The following IQGAP2 variants were observed in gnomAD, a reference collection of about 807,000 sequenced individuals.
The protein encoded by IQGAP2 is ras GTPase-activating-like protein IQGAP2.
In IQGAP2, 173 loss-of-function variants were observed where a neutral mutation model predicts 201.3. That is an observed-to-expected ratio of 0.86 (90% CI 0.76 to 0.98). IQGAP2 has a LOEUF of 0.98. IQGAP2 is among the 50% of genes least tolerant of loss of function. The pLI is 0.00. For missense variants in IQGAP2, 1,687 were observed against 1,864.8 expected (o/e 0.90, Z 1.76); for synonymous variants, 675 against 673.9 (o/e 1.00, Z -0.03).
At chr5:76,406,478 TTAAAC>T (rs759073951) in intron 1 of IQGAP2, among the ~76,000 whole-genome samples, 3 of 152,230 alleles carry the variant, frequency 2.0e-5, no homozygotes, top group Non-Finnish European at 2.9e-5. Flanking sequence ...AGGTAGCTGT[TTAAAC>T]TAATGCAGAC....
At chr5:76,608,546 G>A (rs77945199) in intron 12 of IQGAP2, among the ~76,000 whole-genome samples, 13 of 152,140 alleles carry the variant, frequency 8.5e-5, no homozygotes, top group Non-Finnish European at 1.5e-4. Flanking sequence ...TTTCATGGAC[G>A]TTTTGAAGGT....
chr5:76,687,912 T>C (rs1745930262), intron 30 of IQGAP2, among the ~76,000 whole-genome samples: 1 of 152,196 alleles, frequency 6.6e-6, no homozygotes, highest in Non-Finnish European at 1.5e-5. Flanking sequence ...TGTAACGCAC[T>C]TGAATCATCT....
At position 76,570,567 on chromosome 5, in the gene IQGAP2, A is replaced by G. The variant is rs767434046; in HGVS notation, c.304-13A>G. ...TTCCTTCTCTCCCTTTTTCCCTCCTATCGTCACTTTAGAAGTCTGGCCTTC... is the reference window on the plus strand; with the variant it reads ...TTCCTTCTCTCCCTTTTTCCCTCCTGTCGTCACTTTAGAAGTCTGGCCTTC... On this transcript the variant is annotated splice_polypyrimidine_tract_variant and intron_variant, in intron 3 of 35. Transcript: ENST00000274364. The G allele has an allele frequency of 1.9e-5, 31 of 1,598,288 alleles. 1 individual carries two copies. Among genetic ancestry groups the G allele is most frequent in the South Asian group, 7.7e-5 (7 of 90,576 alleles).
Position 76,677,339 on chromosome 5 carries a change from A to G in IQGAP2, c.3649A>G (p.Ser1217Gly). ...VIYISIEEII[S>G]THSLLLEHQD... Reference sequence around the variant, plus strand: ...TTATATTTCAATTGAAGAAATCATCAGCACACACTCAGTAAGTGGGGATGG... The same window carrying G: ...TTATATTTCAATTGAAGAAATCATCGGCACACACTCAGTAAGTGGGGATGG... The change falls in exon 28 of 36, where the codon AGC becomes GGC. Residue 1217 changes from serine to glycine, a missense_variant. Ser to Gly is a moderately conservative substitution (Grantham distance 56). Coordinates refer to ENST00000274364, the MANE Select transcript of IQGAP2 (RefSeq NM_006633.5). The G allele has an allele frequency of 6.2e-7, 1 of 1,613,916 alleles. No individual in the cohort carries two copies. Among genetic ancestry groups the G allele is most frequent in the Non-Finnish European group, 8.5e-7 (1 of 1,179,904 alleles).
chr5:76,608,991 A>G (rs1046536169), intron 12 of IQGAP2: 39 of 1,141,158 alleles, frequency 3.4e-5, no homozygotes, highest in East Asian at 7.9e-5. Flanking sequence ...TCTTTCTTCA[A>G]ATAGGATTTC....
At position 76,585,799 on chromosome 5, in the gene IQGAP2, C is replaced by T. The variant is rs145376057; in HGVS notation, c.459-3107C>T. Among the ~76,000 whole-genome samples the T allele has an allele frequency of 4.2e-3, 641 of 152,284 alleles. 2 individuals carry two copies. Among genetic ancestry groups the T allele is most frequent in the African/African-American group, 0.015 (616 of 41,554 alleles). On this transcript the variant is annotated intron_variant, in intron 5 of 35. Transcript: ENST00000274364. ...AAAGTGCTAGGATTACAGTCGTGAG[C>T]CACCGCCCCCAGCTATGTATTCTCA...
chr5:76,705,310 G>T (rs762365849), intron 35 of IQGAP2, among the ~76,000 whole-genome samples: 1 of 152,150 alleles, frequency 6.6e-6, no homozygotes, highest in Non-Finnish European at 1.5e-5. Context: ...CTCATTCCCA[G>T]TAGCACCCTT....
In IQGAP2 at chr5:76,673,592, A is replaced by G. The variant is rs764463337; in HGVS notation, c.3209+3A>G. On this transcript the variant is annotated splice_donor_region_variant and intron_variant, in intron 25 of 35. Transcript: ENST00000274364. The stretch of plus-strand genomic sequence containing the variant: ...ATTTCTTCCCTTGATCTACTGCCGT[A>G]AGTTGTACTTGCAGCAAGTTTAACA... 4 of 1,613,310 alleles carry G rather than the reference A, an allele frequency of 2.5e-6. No individual in the cohort carries two copies. In the African/African-American group the frequency reaches 5.3e-5, roughly 22 times the overall value.
intron 13 of IQGAP2, among the ~76,000 whole-genome samples, chr5:76,619,635 G>A (rs960037551): frequency 3.3e-5 from 5 of 150,198 alleles, no homozygotes; most frequent in Non-Finnish European, 7.4e-5. Context: ...TCCTGCCTCA[G>A]CCTCCCCAGT....
chr5:76,640,856 T>C, intron 16 of IQGAP2, 77 bp from the exon 17 acceptor site: 1 of 1,083,352 alleles, frequency 9.2e-7, no homozygotes, highest in East Asian at 2.5e-5. Flanking sequence ...TTCTAAAAGA[T>C]AAAATATCAG....
intron 2 of IQGAP2, among the ~76,000 whole-genome samples, chr5:76,484,673 C>CG (rs34141520): frequency 6.6e-6 from 1 of 151,934 alleles, no homozygotes; most frequent in African/African-American, 2.4e-5. Flanking sequence ...AAAAAAGAAA[C>CG]GGGGTTTTGC....
intron 17 of IQGAP2, among the ~76,000 whole-genome samples, chr5:76,649,138 T>A (rs370080125): frequency 7.0e-4 from 106 of 152,144 alleles, no homozygotes; most frequent in African/African-American, 2.4e-3. Context: ...GGAAAAGCAG[T>A]GAGATAGAAA....
intron 30 of IQGAP2, among the ~76,000 whole-genome samples, chr5:76,688,644 T>C (rs1745991726): frequency 6.6e-6 from 1 of 152,168 alleles, no homozygotes; most frequent in Non-Finnish European, 1.5e-5. Context: ...AGTAAGTATA[T>C]AATGCAAATG....
At chr5:76,648,620 G>C (rs1752272114) in intron 17 of IQGAP2, among the ~76,000 whole-genome samples, 1 of 152,194 alleles carries the variant, frequency 6.6e-6, no homozygotes, top group Non-Finnish European at 1.5e-5. Context: ...TCATAAAAAT[G>C]TTAAAATAAG....
Position 76,597,595 on chromosome 5 carries a change from A to G in IQGAP2, c.1064A>G (p.Asn355Ser), listed in dbSNP as rs1422918667. 6.2e-7 allele frequency: 1 copy of G among 1,613,810 alleles called. No individual in the cohort carries two copies. Among genetic ancestry groups the G allele is most frequent in the East Asian group, 2.2e-5 (1 of 44,884 alleles). Reference sequence around the variant, plus strand: ...GAACTTTTCAACCTCCAGAAACAGAACACCATGGTAAGTCAGAGGAGACCC... The same window carrying G: ...GAACTTTTCAACCTCCAGAAACAGAGCACCATGGTAAGTCAGAGGAGACCC... ...QNELFNLQKQ[N>S]TMNYLAHEEL... is the part of the protein sequence containing the mutation. The change falls in exon 10 of 36, where the codon AAC becomes AGC. Residue 355 changes from asparagine to serine, a missense_variant. Coordinates refer to ENST00000274364, the MANE Select transcript of IQGAP2 (RefSeq NM_006633.5).
chr5:76,429,891 ACACGAC>A (rs1323109047), intron 1 of IQGAP2, among the ~76,000 whole-genome samples: 1 of 126,890 alleles, frequency 7.9e-6, no homozygotes, highest in Non-Finnish European at 1.8e-5. Flanking sequence ...ACACACACAC[ACACGAC>A]TATTTCATTT....
chr5:76,500,795 A>G (rs1241536127), intron 2 of IQGAP2, among the ~76,000 whole-genome samples: 1 of 152,182 alleles, frequency 6.6e-6, no homozygotes, highest in African/African-American at 2.4e-5. Context: ...CAAGGTAATT[A>G]CAGATCATAG....
chr5:76,673,411 C>T, intron 24 of IQGAP2, 38 bp from the exon 25 acceptor site: 3 of 1,599,552 alleles, frequency 1.9e-6, no homozygotes, highest in Non-Finnish European at 2.6e-6. Flanking sequence ...ATGCTTGTAC[C>T]TAAGCCTCCA....
intron 15 of IQGAP2, among the ~76,000 whole-genome samples, chr5:76,634,885 T>G (rs6860675): frequency 0.39 from 54,126 of 137,668 alleles, 9,657 homozygotes; most frequent in East Asian, 0.43. Flanking sequence ...CTTAACTAAC[T>G]GTAATCAGTC....
Sources: allele counts gnomAD v4.1 joint callset (sites outside exome capture counted in the v4.1 genomes callset), GRCh38; gene constraint gnomAD v4.1.1; transcripts MANE v1.5; gene names NCBI Gene and HGNC (gene_info 2026-07-23, HGNC 2026-07-21).